PTPRD: variants seen among roughly 807,000 people sequenced by gnomAD.
PTPRD encodes the protein protein tyrosine phosphatase receptor type D, also known as receptor-type tyrosine-protein phosphatase delta.
In PTPRD, 34 loss-of-function variants were observed where a neutral mutation model predicts 214.5. The ratio of observed to expected loss-of-function variants is 0.16; its 90% CI spans 0.12 to 0.21. The LOEUF is 0.21. PTPRD is among the 10% of genes least tolerant of loss of function. The pLI, the probability that PTPRD is intolerant of heterozygous loss-of-function variation, is 1.00. For missense variants in PTPRD, 2,545 were observed against 2,398.7 expected (o/e 1.06, Z -1.27); for synonymous variants, 1,128 against 845.7 (o/e 1.33, Z -5.79).
At position 9,978,316 on chromosome 9, in the gene PTPRD, A is replaced by G. The variant is rs115184125; in HGVS notation, c.-471-39706T>C. ...CAATCTAGTAAAAAAGGTGGAGAAC[A>G]TAGATTAAAAGATGGGGAACTTTAG... On this transcript the variant is annotated intron_variant, in intron 4 of 45. Transcript: ENST00000381196. Among the ~76,000 whole-genome samples the G allele has an allele frequency of 2.8e-3, 431 of 152,280 alleles. 1 individual carries two copies. Among genetic ancestry groups the G allele is most frequent in the African/African-American group, 9.9e-3 (413 of 41,566 alleles).
At chr9:10,397,823 T>C (rs188622892) in intron 2 of PTPRD, among the ~76,000 whole-genome samples, 6 of 152,002 alleles carry the variant, frequency 3.9e-5, no homozygotes, top group Admixed American at 6.6e-5. Context: ...CTATACCATA[T>C]AGTCTAGCTG....
At chr9:9,751,070 G>A (rs763308731) in intron 6 of PTPRD, among the ~76,000 whole-genome samples, 1 of 152,056 alleles carries the variant, frequency 6.6e-6, no homozygotes, top group Admixed American at 6.6e-5. Flanking sequence ...ACAGCAGACA[G>A]GTTCTTGAAT....
intron 34 of PTPRD, among the ~76,000 whole-genome samples, chr9:8,445,318 A>G (rs2095682094): frequency 6.6e-6 from 1 of 152,182 alleles, no homozygotes; most frequent in Non-Finnish European, 1.5e-5. Context: ...GTTGTCTCAA[A>G]TATAACTTGG....
intron 4 of PTPRD, among the ~76,000 whole-genome samples, chr9:9,985,410 C>A (rs1233464032): frequency 6.6e-6 from 1 of 152,148 alleles, no homozygotes; most frequent in Non-Finnish European, 1.5e-5. Context: ...GCCATTACTA[C>A]TCTGCCAGAT....
intron 9 of PTPRD, among the ~76,000 whole-genome samples, chr9:9,369,363 T>C (rs1302355276): frequency 1.2e-4 from 19 of 152,258 alleles, no homozygotes. Flanking sequence ...TGGCCAGAGA[T>C]GATGAGCATT....
At chr9:10,403,875 G>A (rs556656735) in intron 2 of PTPRD, among the ~76,000 whole-genome samples, 1 of 151,726 alleles carries the variant, frequency 6.6e-6, no homozygotes, top group South Asian at 2.1e-4. Context: ...GAACACAGAG[G>A]ATTTTTAGGG....
At chr9:9,933,546 C>A (rs1330098262) in intron 5 of PTPRD, among the ~76,000 whole-genome samples, 2 of 151,716 alleles carry the variant, frequency 1.3e-5, no homozygotes, top group African/African-American at 2.4e-5. Flanking sequence ...AATATATATA[C>A]ACCCAACACA....
At chr9:10,214,780 A>G (rs1340756044) in intron 3 of PTPRD, among the ~76,000 whole-genome samples, 1 of 152,026 alleles carries the variant, frequency 6.6e-6, no homozygotes, top group Non-Finnish European at 1.5e-5. Context: ...TCCTTTTTGT[A>G]TTGGTCTCTT....
intron 3 of PTPRD, among the ~76,000 whole-genome samples, chr9:10,072,114 T>C (rs977734860): frequency 6.6e-6 from 1 of 151,962 alleles, no homozygotes; most frequent in Non-Finnish European, 1.5e-5. Context: ...TCTAATAATA[T>C]ACTTGTATAT....
At chr9:9,709,765 T>C (rs2097691268) in intron 7 of PTPRD, among the ~76,000 whole-genome samples, 2 of 152,062 alleles carry the variant, frequency 1.3e-5, no homozygotes, top group Non-Finnish European at 2.9e-5. Context: ...ACCTAAGTAC[T>C]GTAATCACCA....
Position 10,194,137 on chromosome 9 carries a change from T to C in PTPRD, c.-545+146826A>G, listed in dbSNP as rs544164110. Among the ~76,000 whole-genome samples, 8 of 152,126 alleles carry C rather than the reference T, an allele frequency of 5.3e-5. No homozygotes were observed. The East Asian group carries it at 1.5e-3, about 29-fold the overall frequency. On this transcript the variant is annotated intron_variant, in intron 3 of 45. Transcript: ENST00000381196. ...GGAATAAAATCAGTCACCAATGTAA[T>C]TTTTCAATACTTAGCTTATCATTGA...
intron 10 of PTPRD, among the ~76,000 whole-genome samples, chr9:9,083,385 C>G (rs554568947): frequency 5.3e-5 from 8 of 152,174 alleles, no homozygotes; most frequent in Non-Finnish European, 1.0e-4. Flanking sequence ...TTCTTTATAC[C>G]TAATACAAAA....
At chr9:10,324,046 T>G (rs1597124968) in intron 3 of PTPRD, among the ~76,000 whole-genome samples, 1 of 152,126 alleles carries the variant, frequency 6.6e-6, no homozygotes, top group African/African-American at 2.4e-5. Flanking sequence ...TTAAAATTGG[T>G]TGCTATATTG....
intron 2 of PTPRD, among the ~76,000 whole-genome samples, chr9:10,449,572 G>C (rs866224661): frequency 6.6e-6 from 1 of 151,202 alleles, no homozygotes; most frequent in Non-Finnish European, 1.5e-5. Flanking sequence ...CTGCCCGGCC[G>C]CCATCCCGTC....
intron 14 of PTPRD, among the ~76,000 whole-genome samples, chr9:8,541,098 G>T (rs1187760049): frequency 6.6e-6 from 1 of 152,134 alleles, no homozygotes; most frequent in East Asian, 1.9e-4. Flanking sequence ...AGCAGTTAAA[G>T]ATAACTTATA....
chr9:8,570,366 G>A (rs1200016766), intron 14 of PTPRD, among the ~76,000 whole-genome samples: 1 of 152,038 alleles, frequency 6.6e-6, no homozygotes, highest in Non-Finnish European at 1.5e-5. Flanking sequence ...ACTGTTAAAG[G>A]TTAGTTTAAG....
chr9:9,667,891 C>T (rs1378643719), intron 7 of PTPRD, among the ~76,000 whole-genome samples: 2 of 152,096 alleles, frequency 1.3e-5, no homozygotes, highest in Non-Finnish European at 2.9e-5. Flanking sequence ...GGAGAGCTCC[C>T]ACTTTGTAAA....
intron 8 of PTPRD, among the ~76,000 whole-genome samples, chr9:9,496,970 C>G (rs909862069): frequency 2.0e-5 from 3 of 152,054 alleles, no homozygotes; most frequent in South Asian, 4.2e-4. Context: ...AGGACATTAT[C>G]CTAAATGAAA....
chr9:9,507,709 T>C (rs1423820932), intron 8 of PTPRD, among the ~76,000 whole-genome samples: 2 of 151,474 alleles, frequency 1.3e-5, no homozygotes, highest in Non-Finnish European at 1.5e-5. Flanking sequence ...ACAATGATTG[T>C]AGTGTTGTTA....
Sources: gnomAD v4.1 joint callset for allele counts (sites outside exome capture counted in the v4.1 genomes callset) on GRCh38, gnomAD v4.1.1 for gene constraint, MANE v1.5 for transcripts, NCBI Gene and HGNC (gene_info 2026-07-23, HGNC 2026-07-21) for gene names.